Variants in RIF1 observed in about 807,000 individuals in gnomAD.
The protein encoded by RIF1 is telomere-associated protein RIF1.
RIF1 carries 45 observed loss-of-function variants against 247.1 expected under a neutral mutation model. The observed-to-expected ratio is 0.18, with a 90% CI of 0.14 to 0.23. The LOEUF (loss-of-function observed/expected upper bound fraction) is 0.23. RIF1 is among the 10% of genes least tolerant of loss of function. RIF1 has a pLI of 1.00. For missense variants in RIF1, 2,967 were observed against 2,862.5 expected (o/e 1.04, Z -0.83); for synonymous variants, 1,087 against 978.8 (o/e 1.11, Z -2.06).
At chr2:151,491,925 A>G in intron 9 of RIF1, 1 of 962,532 alleles carries the variant, frequency 1.0e-6, no homozygotes, top group Non-Finnish European at 1.6e-6. Flanking sequence ...AGAGGAGAAC[A>G]AAGATAAGGT....
At chr2:151,425,094 A>G (rs1688810956) in intron 8 of RIF1, among the ~76,000 whole-genome samples, 1 of 151,816 alleles carries the variant, frequency 6.6e-6, no homozygotes, top group Admixed American at 6.6e-5. Context: ...TTTGATAGCC[A>G]TCCTAGTGAA....
At chr2:151,524,351 T>G in the RIF1 span, 18 of 1,613,818 alleles carry the variant, frequency 1.1e-5, no homozygotes, top group Non-Finnish European at 1.5e-5. Context: ...CATTTCTATG[T>G]CTGGGCGACC....
chr2:151,451,961 A>G (rs767910983), intron 21 of RIF1, among the ~76,000 whole-genome samples: 1 of 152,230 alleles, frequency 6.6e-6, no homozygotes, highest in Non-Finnish European at 1.5e-5. Context: ...AGAAAGATAA[A>G]TACTATTCTA....
intron 8 of RIF1, among the ~76,000 whole-genome samples, chr2:151,425,959 G>A (rs754293551): frequency 1.1e-4 from 16 of 151,718 alleles, no homozygotes; most frequent in Non-Finnish European, 2.1e-4. Context: ...GATTGCAGGC[G>A]TGAGCCACCG....
At chr2:151,518,276 A>G in the RIF1 span, 1 of 1,364,842 alleles carries the variant, frequency 7.3e-7, no homozygotes, top group Non-Finnish European at 1.0e-6. Context: ...TGTACTGTGG[A>G]TGAATGTGCG....
chr2:151,432,195 A>G (rs987550661), intron 9 of RIF1, among the ~76,000 whole-genome samples: 1 of 152,100 alleles, frequency 6.6e-6, no homozygotes, highest in South Asian at 2.1e-4. Flanking sequence ...GTTTTAGTAG[A>G]GGTAGGATTT....
At chr2:151,496,650 A>AATC (rs1476249214) in intron 10 of RIF1, among the ~76,000 whole-genome samples, 5 of 152,162 alleles carry the variant, frequency 3.3e-5, no homozygotes, top group Admixed American at 3.3e-4. Context: ...CCTCCTAAAC[A>AATC]ATCACATGAG....
downstream of RIF1, among the ~76,000 whole-genome samples, chr2:151,511,105 C>T (rs888731084): frequency 6.6e-6 from 1 of 152,216 alleles, no homozygotes; most frequent in African/African-American, 2.4e-5. Context: ...GATAGGTCCA[C>T]ATGCTGAAGC....
downstream of RIF1, chr2:151,485,683 A>AC: frequency 1.5e-6 from 2 of 1,370,376 alleles, no homozygotes; most frequent in Non-Finnish European, 2.0e-6. Flanking sequence ...GAACTTAGGT[A>AC]ACAGTGGAGA....
the RIF1 span, chr2:151,520,061 A>G: frequency 4.7e-6 from 1 of 212,102 alleles, no homozygotes. Flanking sequence ...AAAATGGAAA[A>G]GGCTTCAGGC....
intron 3 of RIF1, among the ~76,000 whole-genome samples, chr2:151,413,685 C>T (rs1477470191): frequency 6.6e-6 from 1 of 152,224 alleles, no homozygotes; most frequent in African/African-American, 2.4e-5. Context: ...TTGCTTACAA[C>T]TGGTTGCTGT....
chr2:151,473,636 C>T (rs889110655), intron 34 of RIF1, among the ~76,000 whole-genome samples: 42 of 152,038 alleles, frequency 2.8e-4, no homozygotes, highest in African/African-American at 9.9e-4. Context: ...GCTTGGAAAT[C>T]TCTGGTATAG....
At chr2:151,459,690 A>C (rs559757357) in intron 25 of RIF1, among the ~76,000 whole-genome samples, 2 of 152,154 alleles carry the variant, frequency 1.3e-5, no homozygotes, top group Admixed American at 6.5e-5. Flanking sequence ...TCTTAGAAAT[A>C]TTTTCAGTTA....
intron 6 of RIF1, among the ~76,000 whole-genome samples, chr2:151,418,353 A>T (rs1280418467): frequency 1.3e-5 from 2 of 152,048 alleles, no homozygotes; most frequent in African/African-American, 4.8e-5. Flanking sequence ...TATAGGCGTC[A>T]GCCACCACAC....
downstream of RIF1, among the ~76,000 whole-genome samples, chr2:151,483,678 C>T (rs1203225229): frequency 1.3e-5 from 2 of 152,118 alleles, no homozygotes; most frequent in Non-Finnish European, 2.9e-5. Flanking sequence ...TACTTTAAAT[C>T]AGGGTTCCCC....
chr2:151,470,900 G>T (rs757497633), intron 34 of RIF1, among the ~76,000 whole-genome samples: 3 of 151,830 alleles, frequency 2.0e-5, no homozygotes, highest in Non-Finnish European at 4.4e-5. Context: ...TGAGAATTAG[G>T]TTTTTTTTAA....
chr2:151,421,534 G>C (rs1343377912), intron 7 of RIF1, among the ~76,000 whole-genome samples: 2 of 152,140 alleles, frequency 1.3e-5, no homozygotes, highest in East Asian at 3.9e-4. Flanking sequence ...TGTAAGGATG[G>C]ATTTTTACTC....
Position 151,497,661 on chromosome 2 carries a change from C to CCAT in RIF1, c.*514-1682_*514-1680dup, listed in dbSNP as rs769252768. On this transcript the variant is annotated intron_variant and NMD_transcript_variant, in intron 10 of 13. Coordinates refer to the RIF1 transcript ENST00000454583. Reference sequence around the variant, plus strand: ...TTTTCTTGATTGTGTTTGACTCTTTCCATCTCGGGAGTGACAGGTAAAGGG... The same window carrying CCAT: ...TTTTCTTGATTGTGTTTGACTCTTTCCATCATCTCGGGAGTGACAGGTAAAGGG... 1.9e-5 allele frequency: 30 copies of CCAT among 1,584,520 alleles called. 1 individual carries two copies. The South Asian group carries it at 3.1e-4, about 16-fold the overall frequency.
At chr2:151,511,874 C>T (rs182574133), downstream of RIF1, among the ~76,000 whole-genome samples, 63 of 152,180 alleles carry the variant, frequency 4.1e-4, 1 homozygote, top group African/African-American at 1.4e-3. Context: ...TCCAGATCTG[C>T]GCACACATTT....
Sources: gnomAD v4.1 joint callset for allele counts (sites outside exome capture counted in the v4.1 genomes callset) on GRCh38, gnomAD v4.1.1 for gene constraint, MANE v1.5 for transcripts, NCBI Gene and HGNC (gene_info 2026-07-23, HGNC 2026-07-21) for gene names.